EBF1: variants seen among roughly 807,000 people sequenced by gnomAD.
EBF1 encodes the protein transcription factor COE1.
A neutral mutation model predicts 68.4 loss-of-function variants in EBF1; 10 were observed. The ratio of observed to expected loss-of-function variants is 0.15; its 90% CI spans 0.09 to 0.25. The LOEUF (loss-of-function observed/expected upper bound fraction) is 0.25, where lower values mean the gene tolerates loss of function less well. EBF1 is among the 10% of genes least tolerant of loss of function. The probability of loss-of-function intolerance (pLI) is 1.00; values close to 1 mark genes in which losing one functional copy is unlikely to be tolerated. For missense variants in EBF1, 509 were observed against 794.4 expected (o/e 0.64, Z 4.32); for synonymous variants, 298 against 299.8 (o/e 0.99, Z 0.06).
chr5:158,938,430 G>C (rs567280177), intron 6 of EBF1, among the ~76,000 whole-genome samples: 2 of 152,322 alleles, frequency 1.3e-5, no homozygotes, highest in Non-Finnish European at 2.9e-5. Flanking sequence ...TGTCCCAGCT[G>C]TTCCCTCTGT....
At chr5:158,729,688 T>C (rs1246838276) in intron 11 of EBF1, among the ~76,000 whole-genome samples, 1 of 152,110 alleles carries the variant, frequency 6.6e-6, no homozygotes, top group Non-Finnish European at 1.5e-5. Flanking sequence ...CAAGAATAAA[T>C]TGGGGTGGAA....
At chr5:158,884,849 A>G (rs571293867) in intron 6 of EBF1, among the ~76,000 whole-genome samples, 1 of 152,336 alleles carries the variant, frequency 6.6e-6, no homozygotes, top group South Asian at 2.1e-4. Flanking sequence ...TATTATCCAT[A>G]ATTTAAAATG....
intron 6 of EBF1, among the ~76,000 whole-genome samples, chr5:158,840,446 T>A (rs762067597): frequency 1.3e-5 from 2 of 152,214 alleles, no homozygotes. Flanking sequence ...TTACTCATGG[T>A]CCCCAACGAC....
chr5:159,095,587 G>GAGCC, intron 4 of EBF1, 33 bp downstream of exon 4: 2 of 1,612,578 alleles, frequency 1.2e-6, no homozygotes, highest in Non-Finnish European at 8.5e-7. Flanking sequence ...TTGTGACATA[G>GAGCC]AGCCCCCCGT....
intron 8 of EBF1, among the ~76,000 whole-genome samples, chr5:158,799,484 G>A (rs1281180916): frequency 2.0e-5 from 3 of 152,118 alleles, no homozygotes; most frequent in South Asian, 2.1e-4. Context: ...ATGCATGAAT[G>A]CATGGGATAG....
At chr5:158,819,529 C>T (rs771270791) in intron 8 of EBF1, among the ~76,000 whole-genome samples, 4 of 152,194 alleles carry the variant, frequency 2.6e-5, no homozygotes, top group Non-Finnish European at 4.4e-5. Context: ...AACAACAATG[C>T]CAATAGCAAC....
At chr5:158,900,982 C>A (rs2009612) in intron 6 of EBF1, among the ~76,000 whole-genome samples, 1 of 150,880 alleles carries the variant, frequency 6.6e-6, no homozygotes, top group Non-Finnish European at 1.5e-5. Context: ...CCAAAGCAAC[C>A]TTACATATTA....
At chr5:158,873,609 T>C (rs1436597005) in intron 6 of EBF1, among the ~76,000 whole-genome samples, 1 of 152,178 alleles carries the variant, frequency 6.6e-6, no homozygotes, top group East Asian at 1.9e-4. Flanking sequence ...TAATTAAAAG[T>C]GAATGTAAAC....
chr5:158,765,573 A>G (rs1293938256), intron 10 of EBF1, among the ~76,000 whole-genome samples: 1 of 152,118 alleles, frequency 6.6e-6, no homozygotes, highest in African/African-American at 2.4e-5. Flanking sequence ...CCCGTGATGT[A>G]AAGAAGTTAA....
At chr5:158,707,309 A>C (rs893968886) in intron 15 of EBF1, among the ~76,000 whole-genome samples, 154 of 152,314 alleles carry the variant, frequency 1.0e-3, no homozygotes, top group African/African-American at 3.6e-3. Context: ...TCTTAATGAA[A>C]AGGTCATCTC....
chr5:158,783,649 A>C (rs1387954864), intron 9 of EBF1, among the ~76,000 whole-genome samples: 2 of 152,180 alleles, frequency 1.3e-5, no homozygotes, highest in African/African-American at 4.8e-5. Context: ...GACTCAGACC[A>C]CAGAACCTGA....
intron 6 of EBF1, among the ~76,000 whole-genome samples, chr5:158,893,877 A>T (rs1212195365): frequency 3.3e-5 from 5 of 152,104 alleles, no homozygotes; most frequent in Non-Finnish European, 5.9e-5. Context: ...CTCTTCGGGG[A>T]CCAAATTACA....
intron 10 of EBF1, among the ~76,000 whole-genome samples, chr5:158,766,731 C>T (rs1324116235): frequency 6.6e-6 from 1 of 152,148 alleles, no homozygotes; most frequent in Non-Finnish European, 1.5e-5. Flanking sequence ...GACTATTATA[C>T]ACCCACCAAA....
In EBF1 at chr5:158,697,856, C is replaced by CTATT. The variant is rs959508634; in HGVS notation, c.*1251_*1254dup. The CTATT allele has an allele frequency of 7.5e-4, 156 of 207,470 alleles. No homozygotes were observed. The highest frequency in any genetic ancestry group is 3.1e-3 in the African/African-American group (136 of 44,012). 12.9% of individuals were successfully genotyped at this position (207,470 alleles called of 1,614,324 possible). ...TCCTCAGAGCTTTGCTGCATCTTTG[C>CTATT]TATTAATTCTTATTTTTAAGAACAC... On this transcript the variant is annotated 3_prime_UTR_variant, in exon 16 of 16. Transcript: ENST00000313708.
intron 7 of EBF1, 100 bp from the exon 8 acceptor site, chr5:158,823,417 T>C (rs1785301102): frequency 6.2e-6 from 7 of 1,134,730 alleles, no homozygotes; most frequent in Non-Finnish European, 8.7e-6. Flanking sequence ...TGAAGAAAAT[T>C]GCATAGCTAT....
chr5:158,750,674 T>C (rs1309381359), intron 10 of EBF1, among the ~76,000 whole-genome samples: 2 of 152,108 alleles, frequency 1.3e-5, no homozygotes, highest in African/African-American at 4.8e-5. Context: ...ATTTCTACTC[T>C]ATATTTTATA....
intron 6 of EBF1, among the ~76,000 whole-genome samples, chr5:159,068,445 TTA>T (rs1326951024): frequency 6.6e-6 from 1 of 152,072 alleles, no homozygotes; most frequent in Non-Finnish European, 1.5e-5. Context: ...TCTAAAGTTT[TTA>T]TATTGTTTTC....
rs1793464030 is a variant in EBF1 at position 158,853,876 on chromosome 5, C to T, written c.555-13766G>A. Among the ~76,000 whole-genome samples, 3 of 152,134 alleles carry T rather than the reference C, an allele frequency of 2.0e-5. No homozygotes were observed. The South Asian group carries it at 6.2e-4, about 32-fold the overall frequency. On this transcript the variant is annotated intron_variant, in intron 6 of 15. Coordinates refer to ENST00000313708, the MANE Select transcript of EBF1 (RefSeq NM_024007.5). ...AAATTCAGAGTCTCAAATGCAGACC[C>T]TACAGAGCCCAGGAAGGTCAATCAA...
At chr5:158,935,872 G>A (rs1811903554) in intron 6 of EBF1, among the ~76,000 whole-genome samples, 2 of 152,176 alleles carry the variant, frequency 1.3e-5, no homozygotes, top group Admixed American at 1.3e-4. Flanking sequence ...AGAACCCAGA[G>A]GTTTTTCAAA....
Sources: gnomAD v4.1 joint callset for allele counts (sites outside exome capture counted in the v4.1 genomes callset) on GRCh38, gnomAD v4.1.1 for gene constraint, MANE v1.5 for transcripts, NCBI Gene and HGNC (gene_info 2026-07-23, HGNC 2026-07-21) for gene names.